NIPBL: variants seen among roughly 807,000 people sequenced by gnomAD.
NIPBL encodes the protein nipped-B-like protein.
NIPBL carries 19 observed loss-of-function variants against 321.8 expected under a neutral mutation model. That is an observed-to-expected ratio of 0.06 (90% CI 0.04 to 0.09). The LOEUF (loss-of-function observed/expected upper bound fraction) is 0.09. Among genes scored for constraint, NIPBL ranks in the 10% least tolerant of loss-of-function variants. The pLI, the probability that NIPBL is intolerant of heterozygous loss-of-function variation, is 1.00. For synonymous variants in NIPBL, 1,106 were observed against 1,114.1 expected (o/e 0.99, Z 0.14); for missense variants, 2,210 against 3,327.0 (o/e 0.66, Z 8.26).
At chr5:37,033,172 A>G (rs768193852) in intron 32 of NIPBL, among the ~76,000 whole-genome samples, 11 of 152,176 alleles carry the variant, frequency 7.2e-5, no homozygotes, top group African/African-American at 9.6e-5. Flanking sequence ...AGATAAAACT[A>G]CAAAACCTAA....
intron 1 of NIPBL, among the ~76,000 whole-genome samples, chr5:36,882,123 A>G (rs1580133066): frequency 6.6e-6 from 1 of 152,110 alleles, no homozygotes; most frequent in African/African-American, 2.4e-5. Context: ...GCCAGTACAT[A>G]CAACCTTATA....
chr5:37,001,153 C>T, intron 14 of NIPBL, 75 bp downstream of exon 14: 2 of 966,646 alleles, frequency 2.1e-6, no homozygotes, highest in South Asian at 1.3e-5. Flanking sequence ...CTCAGTTACT[C>T]TAGTGATGTG....
intron 4 of NIPBL, among the ~76,000 whole-genome samples, chr5:36,960,371 G>GAA (rs1200456981): frequency 9.0e-6 from 1 of 111,408 alleles, no homozygotes. Context: ...AAAAGAAAAA[G>GAA]AAAAAAAAAA....
chr5:37,026,109 C>T, intron 30 of NIPBL, 120 bp from the exon 31 acceptor site: 1 of 633,522 alleles, frequency 1.6e-6, no homozygotes, highest in Non-Finnish European at 2.9e-6. Context: ...CCAGAAATTC[C>T]TGGCAGTTTG....
rs974701768 is a variant in NIPBL, at chr5:37,031,856, A to G, written c.5862+4444A>G. ...TAAAAGAAGCCTTACGTAGAAGAGT[A>G]CATATTATAATTCCATTTATACAAA... On this transcript the variant is annotated intron_variant, in intron 32 of 46. Transcript: ENST00000282516. Among the ~76,000 whole-genome samples the G allele has an allele frequency of 2.6e-5, 4 of 152,348 alleles. No homozygotes were observed. In the East Asian group the frequency reaches 7.7e-4, roughly 29 times the overall value.
At position 36,984,805 on chromosome 5, in the gene NIPBL, G is replaced by A; in HGVS notation, c.1625G>A (p.Ser542Asn). The change falls in exon 10 of 47, where the codon AGC becomes AAC. Residue 542 changes from serine (S) to asparagine (N), a missense_variant. This residue lies in a region of NIPBL where 588 missense variants were observed against 564.1 expected (regional missense o/e 1.04). Transcript: ENST00000282516. ...GGGTCAAGGCCAGCATTAATGGTTAGCATTGATCTTCATCAGGCAGGAAGA... is the reference window on the plus strand; with the variant it reads ...GGGTCAAGGCCAGCATTAATGGTTAACATTGATCTTCATCAGGCAGGAAGA... ...GNGSRPALMV[S>N]IDLHQAGRVD... The A allele has an allele frequency of 6.2e-7, 1 of 1,613,876 alleles. No individual in the cohort carries two copies. The highest frequency in any genetic ancestry group is 1.7e-5 in the Admixed American group (1 of 59,982).
Position 37,008,130 on chromosome 5 carries a change from A to G in NIPBL, c.4320+42A>G, listed in dbSNP as rs748402005. Reference sequence around the variant, plus strand: ...TGTATTTTTAGTTACCCCACAAATAAAACAATATTGATGTCATTTAATCCA... The same window carrying G: ...TGTATTTTTAGTTACCCCACAAATAGAACAATATTGATGTCATTTAATCCA... On this transcript the variant is annotated intron_variant, in intron 19 of 46. Transcript: ENST00000282516. 5 of 1,270,332 alleles carry G rather than the reference A, an allele frequency of 3.9e-6. No individual in the cohort carries two copies. In the Admixed American group the frequency reaches 6.8e-5, roughly 17 times the overall value. 78.7% of individuals were successfully genotyped at this position (1,270,332 alleles called of 1,614,324 possible). A position where few individuals can be genotyped will look rare whatever the true frequency, so the allele number is the denominator to read the frequency against.
chr5:36,939,900 C>A (rs950833645), intron 1 of NIPBL, among the ~76,000 whole-genome samples: 2 of 152,172 alleles, frequency 1.3e-5, no homozygotes, highest in African/African-American at 4.8e-5. Flanking sequence ...TCCCATCTCT[C>A]AACACTGTTG....
intron 1 of NIPBL, chr5:36,886,286 A>G (rs2149519613): frequency 1.5e-6 from 1 of 673,144 alleles, no homozygotes; most frequent in South Asian, 1.5e-5. Flanking sequence ...CACCAGGCCC[A>G]GGAGTACGAG....
intron 10 of NIPBL, among the ~76,000 whole-genome samples, 169 bp downstream of exon 10, chr5:36,986,470 A>C (rs1271796069): frequency 6.6e-6 from 1 of 152,156 alleles, no homozygotes; most frequent in Admixed American, 6.6e-5. Flanking sequence ...AAAAGTTTCC[A>C]GTGAATTTTT....
chr5:37,063,626 A>G (rs1226768603), intron 45 of NIPBL, among the ~76,000 whole-genome samples, 164 bp from the exon 46 acceptor site: 2 of 152,200 alleles, frequency 1.3e-5, no homozygotes, highest in Non-Finnish European at 1.5e-5. Context: ...AAAAATATTT[A>G]CCACCTGGCT....
chr5:37,003,719 C>T (rs188414822), intron 16 of NIPBL, among the ~76,000 whole-genome samples: 81 of 152,186 alleles, frequency 5.3e-4, no homozygotes, highest in Non-Finnish European at 8.1e-4. Flanking sequence ...TTTCACATTT[C>T]GTTAATTTGA....
intron 4 of NIPBL, among the ~76,000 whole-genome samples, chr5:36,958,974 A>C (rs1256465603): frequency 1.3e-5 from 2 of 152,130 alleles, no homozygotes; most frequent in Non-Finnish European, 2.9e-5. Flanking sequence ...TTGGAAGCTG[A>C]GGCAGGTGGA....
chr5:37,064,787 C>T lies in NIPBL; in HGVS notation c.8310C>T (p.Asp2770=). ...VPWVDTIKES[D]IIYKKIALTS... Reference sequence around the variant, plus strand: ...GGGTAGACACTATTAAAGAGTCAGACATTATTTACAAAAAAATTGCTCTAA... The same window carrying T: ...GGGTAGACACTATTAAAGAGTCAGATATTATTTACAAAAAAATTGCTCTAA... The change falls in exon 47 of 47, where the codon GAC becomes GAT. Residue 2770 remains aspartate, a synonymous_variant. Transcript: ENST00000282516. 6.2e-7 allele frequency: 1 copy of T among 1,614,166 alleles called. No individual in the cohort carries two copies. The highest frequency in any genetic ancestry group is 8.5e-7 in the Non-Finnish European group (1 of 1,180,028).
chr5:37,021,919 C>T (rs1016029193), intron 27 of NIPBL, 132 bp from the exon 28 acceptor site: 2 of 729,090 alleles, frequency 2.7e-6, no homozygotes, highest in Non-Finnish European at 4.8e-6. Flanking sequence ...TAGGAAAGAT[C>T]CTTTACTCAT....
intron 1 of NIPBL, among the ~76,000 whole-genome samples, chr5:36,916,564 A>G (rs1748474745): frequency 6.6e-6 from 1 of 152,122 alleles, no homozygotes. Context: ...GTTTTGTTAC[A>G]TATGTATACA....
intron 9 of NIPBL, among the ~76,000 whole-genome samples, chr5:36,978,757 A>AT (rs1193449784): frequency 3.9e-5 from 6 of 151,946 alleles, no homozygotes; most frequent in African/African-American, 1.4e-4. Context: ...TCTTGAGTTA[A>AT]TTTTTGTATA....
At chr5:36,946,203 G>A (rs1049411939) in intron 1 of NIPBL, among the ~76,000 whole-genome samples, 2 of 151,908 alleles carry the variant, frequency 1.3e-5, no homozygotes, top group African/African-American at 4.8e-5. Flanking sequence ...TCCAAGTGGT[G>A]GCAGGGCAAT....
At position 36,877,182 on chromosome 5, in the gene NIPBL, A is replaced by T. The variant is rs1011807376; in HGVS notation, c.-80+4A>T. 8.5e-6 allele frequency: 2 copies of T among 236,280 alleles called. No homozygotes were observed. Among genetic ancestry groups the T allele is most frequent in the Non-Finnish European group, 1.6e-5 (2 of 122,912 alleles). The allele number at this position is 236,280 out of a possible 1,614,324, so 14.6% of individuals were successfully genotyped here. Reference sequence around the variant, plus strand: ...ATTCAGACGCCGATTCGCCCAGGTAAATTCCTGCTCTTTATTTCGGCGGCG... The same window carrying T: ...ATTCAGACGCCGATTCGCCCAGGTATATTCCTGCTCTTTATTTCGGCGGCG... On this transcript the variant is annotated splice_donor_region_variant and intron_variant, in intron 1 of 46. Transcript: ENST00000282516.
Sources: gnomAD v4.1 joint callset for allele counts (sites outside exome capture counted in the v4.1 genomes callset) on GRCh38, gnomAD v4.1.1 for gene constraint, gnomAD v4.1.1 regional missense constraint, MANE v1.5 for transcripts, NCBI Gene and HGNC (gene_info 2026-07-23, HGNC 2026-07-21) for gene names.